Variants in OTUD6B observed in about 807,000 individuals in gnomAD.
OTUD6B encodes the protein deubiquitinase OTUD6B.
OTUD6B carries 41 observed loss-of-function variants against 36.9 expected under a neutral mutation model. The ratio of observed to expected loss-of-function variants is 1.11; its 90% CI spans 0.87 to 1.44. The LOEUF is 1.44. OTUD6B is among the 40% of genes most tolerant of loss of function. The pLI, the probability that OTUD6B is intolerant of heterozygous loss-of-function variation, is 0.00. For synonymous variants in OTUD6B, 114 were observed against 114.2 expected (o/e 1.00, Z 0.01); for missense variants, 356 against 344.8 (o/e 1.03, Z -0.26).
At chr8:91,082,044 A>G (rs936204337) in intron 5 of OTUD6B, among the ~76,000 whole-genome samples, 1 of 152,202 alleles carries the variant, frequency 6.6e-6, no homozygotes, top group Non-Finnish European at 1.5e-5. Flanking sequence ...CATTTGAAGT[A>G]AGAGTTGCAG....
At chr8:91,076,042 A>G (rs2130432188) in intron 3 of OTUD6B, among the ~76,000 whole-genome samples, 1 of 152,262 alleles carries the variant, frequency 6.6e-6, no homozygotes, top group East Asian at 1.9e-4. Flanking sequence ...GGTTTCAAAA[A>G]TATGGAATTT....
chr8:91,084,795 A>T lies in OTUD6B; in HGVS notation c.809A>T (p.His270Leu). 5 of 1,558,542 alleles carry T rather than the reference A, an allele frequency of 3.2e-6. No individual in the cohort carries two copies. The highest frequency in any genetic ancestry group is 4.3e-6 in the Non-Finnish European group (5 of 1,150,318). The change falls in exon 7 of 7, where the codon CAT (histidine) becomes CTT (leucine). Residue 270 changes from histidine (H) to leucine (L), a missense_variant. By Grantham distance (99) the His-to-Leu change is moderately conservative. Coordinates refer to ENST00000404789, the MANE Select transcript of OTUD6B (RefSeq NM_016023.5). ...KKPLILVYMR[H>L]AYGLGEHYNS... ...TTTTTTAATTTCAGATATATGAGACATGCATATGGCTTAGGAGAACATTAT... is the reference window on the plus strand; with the variant it reads ...TTTTTTAATTTCAGATATATGAGACTTGCATATGGCTTAGGAGAACATTAT...
chr8:91,084,781 C>A lies in OTUD6B; in HGVS notation c.798-3C>A, dbSNP rs2130447987. On this transcript the variant is annotated splice_polypyrimidine_tract_variant and splice_region_variant and intron_variant, in intron 6 of 6. Transcript: ENST00000404789. Reference sequence around the variant, plus strand: ...ACTCATTTCTTTTTTTTTTTAATTTCAGATATATGAGACATGCATATGGCT... The same window carrying A: ...ACTCATTTCTTTTTTTTTTTAATTTAAGATATATGAGACATGCATATGGCT... 2 of 1,499,226 alleles carry A rather than the reference C, an allele frequency of 1.3e-6. No homozygotes were observed. The highest frequency in any genetic ancestry group is 1.8e-6 in the Non-Finnish European group (2 of 1,117,054). The allele number at this position is 1,499,226 out of a possible 1,614,324, so 92.9% of individuals were successfully genotyped here.
chr8:91,083,364 T>C (rs1812944821), intron 5 of OTUD6B, among the ~76,000 whole-genome samples: 1 of 152,176 alleles, frequency 6.6e-6, no homozygotes, highest in South Asian at 2.1e-4. Flanking sequence ...TTTTCAAGCG[T>C]ATTCAAAAGT....
chr8:91,080,563 TCATAA>T (rs1380629736), intron 4 of OTUD6B, 101 bp from the exon 5 acceptor site: 2 of 1,488,838 alleles, frequency 1.3e-6, no homozygotes, highest in East Asian at 5.2e-5. Flanking sequence ...AGGAGAATGT[TCATAA>T]CTTGGGCATT....
At chr8:91,072,816 T>A (rs1052717315) in intron 2 of OTUD6B, among the ~76,000 whole-genome samples, 1 of 152,228 alleles carries the variant, frequency 6.6e-6, no homozygotes, top group African/African-American at 2.4e-5. Flanking sequence ...CAAAAATGTT[T>A]GATTCATAAG....
intron 4 of OTUD6B, chr8:91,079,016 C>T (rs1256127070): frequency 6.2e-6 from 1 of 161,360 alleles, no homozygotes; most frequent in African/African-American, 2.4e-5. Context: ...GGTCTGAAGA[C>T]CATAAGGAGA....
chr8:91,083,639 G>T (rs1812949609), intron 5 of OTUD6B, among the ~76,000 whole-genome samples: 1 of 152,084 alleles, frequency 6.6e-6, no homozygotes, highest in Non-Finnish European at 1.5e-5. Flanking sequence ...CATGCACAAA[G>T]TTATTTAAAA....
At chr8:91,075,499 A>T (rs963832368) in intron 3 of OTUD6B, among the ~76,000 whole-genome samples, 1 of 152,076 alleles carries the variant, frequency 6.6e-6, no homozygotes, top group African/African-American at 2.4e-5. Flanking sequence ...TGGACCTCTA[A>T]CAACAAAACA....
chr8:91,078,324 G>A (rs1431958774), intron 3 of OTUD6B, 32 bp from the exon 4 acceptor site: 1 of 1,509,118 alleles, frequency 6.6e-7, no homozygotes, highest in South Asian at 1.3e-5. Context: ...AAATTATTAT[G>A]AATTAACTTT....
At chr8:91,075,122 C>G (rs752387300) in intron 3 of OTUD6B, among the ~76,000 whole-genome samples, 1 of 151,942 alleles carries the variant, frequency 6.6e-6, no homozygotes, top group Non-Finnish European at 1.5e-5. Context: ...AAAATTAAAC[C>G]TAAAAGCAAT....
chr8:91,076,399 G>T (rs1812803846), intron 3 of OTUD6B: 1 of 906,530 alleles, frequency 1.1e-6, no homozygotes, highest in African/African-American at 1.8e-5. Flanking sequence ...CTTACCTAGT[G>T]CCCTGAAAAG....
chr8:91,076,547 C>T (rs1334255507), intron 3 of OTUD6B: 1 of 1,526,048 alleles, frequency 6.6e-7, no homozygotes, highest in Non-Finnish European at 8.8e-7. Flanking sequence ...TACATGACAT[C>T]ATTAACTCCA....
intron 3 of OTUD6B, chr8:91,076,418 A>T (rs573802177): frequency 1.0e-6 from 1 of 976,620 alleles, no homozygotes; most frequent in African/African-American, 1.8e-5. Context: ...AGGAAACTCA[A>T]TTGCTTTGTT....
chr8:91,083,121 G>T (rs1812940226), intron 5 of OTUD6B, among the ~76,000 whole-genome samples: 1 of 151,976 alleles, frequency 6.6e-6, no homozygotes, highest in Non-Finnish European at 1.5e-5. Context: ...ACTTAAAATT[G>T]TATATTTTAA....
intron 3 of OTUD6B, 61 bp downstream of exon 3, chr8:91,073,972 T>C (rs1812754657): frequency 8.8e-7 from 1 of 1,135,544 alleles, no homozygotes; most frequent in Non-Finnish European, 1.3e-6. Flanking sequence ...CTATCTTAGG[T>C]ACTATCTTAG....
chr8:91,078,739 G>T, intron 4 of OTUD6B, 71 bp downstream of exon 4: 1 of 1,040,438 alleles, frequency 9.6e-7, no homozygotes, highest in Non-Finnish European at 1.4e-6. Context: ...GTGCTTCCCA[G>T]CACTGAGCGT....
intron 2 of OTUD6B, 75 bp downstream of exon 2, chr8:91,071,364 CTTTT>C (rs5893159): frequency 1.8e-3 from 1,506 of 814,782 alleles, no homozygotes; most frequent in South Asian, 2.6e-3. Flanking sequence ...TGTTAAACTG[CTTTT>C]TTTTTTTTTT....
At chr8:91,078,127 C>A (rs1812834545) in intron 3 of OTUD6B, 2 of 407,978 alleles carry the variant, frequency 4.9e-6, no homozygotes, top group Non-Finnish European at 6.6e-6. Flanking sequence ...AATTAGAGGG[C>A]TTTCTTAATG....
Sources: gnomAD v4.1 joint callset for allele counts (sites outside exome capture counted in the v4.1 genomes callset) on GRCh38, gnomAD v4.1.1 for gene constraint, MANE v1.5 for transcripts, NCBI Gene and HGNC (gene_info 2026-07-23, HGNC 2026-07-21) for gene names.